MAP3K19: variants seen among roughly 807,000 people sequenced by gnomAD.
MAP3K19 encodes the protein mitogen-activated protein kinase kinase kinase 19, also known as SPS1/STE20-related protein kinase YSK4.
MAP3K19 carries 91 observed loss-of-function variants against 114.4 expected under a neutral mutation model. The observed-to-expected ratio is 0.80, with a 90% CI of 0.67 to 0.95. The LOEUF (loss-of-function observed/expected upper bound fraction) is 0.95. MAP3K19 is among the 40% of genes least tolerant of loss of function. The pLI is 0.00. For missense variants in MAP3K19, 1,471 were observed against 1,573.2 expected, an observed-to-expected ratio of 0.94 and a Z score of 1.10; for synonymous variants, 518 against 530.5, an observed-to-expected ratio of 0.98 and a Z score of 0.32.
intron 1 of MAP3K19, among the ~76,000 whole-genome samples, chr2:135,046,296 G>A (rs917405957): frequency 6.6e-6 from 1 of 151,764 alleles, no homozygotes; most frequent in East Asian, 1.9e-4. Context: ...TGTTGTTGTT[G>A]TTACAGAGTC....
At position 134,981,250 on chromosome 2, in the gene MAP3K19, C is replaced by T; in HGVS notation, c.3491G>A (p.Cys1164Tyr). 6.2e-7 allele frequency: 1 copy of T among 1,614,210 alleles called. No individual in the cohort carries two copies. Among genetic ancestry groups the T allele is most frequent in the East Asian group, 2.2e-5 (1 of 44,896 alleles). Residue 1164 changes from cysteine (C) to tyrosine (Y), a missense_variant, in exon 12 of 13, where the codon TGT (cysteine) becomes TAT (tyrosine). By Grantham distance (194) the Cys-to-Tyr change is radical. Transcript: ENST00000392915. Reference protein sequence around the residue: ...RFGPLPEMVFCKYTKQILQGV... With the variant: ...RFGPLPEMVFYKYTKQILQGV... ...TTGAAGTATTTGTTTCGTATATTTA[C>T]AGAACACCATCTCAGGCAATGGCCC... is the stretch of plus-strand genomic sequence containing the variant.
intron 5 of MAP3K19, among the ~76,000 whole-genome samples, chr2:135,021,018 G>T (rs1196240238): frequency 6.6e-6 from 1 of 152,132 alleles, no homozygotes; most frequent in Admixed American, 6.5e-5. Context: ...TACATAAAAA[G>T]GAAGGTACAT....
Position 134,981,573 on chromosome 2 carries a change from A to C in MAP3K19, c.3223-55T>G, listed in dbSNP as rs1023417707. ...TAAATTAATGACATAACTTATTCAC[A>C]AAATGCCTCAGGTGACACTTGACTT... On this transcript the variant is annotated intron_variant, in intron 11 of 12. Coordinates refer to ENST00000392915, the MANE Select transcript of MAP3K19 (RefSeq NM_025052.5). 3 of 1,361,400 alleles carry C rather than the reference A, an allele frequency of 2.2e-6. No homozygotes were observed. In the African/African-American group the frequency reaches 4.3e-5, roughly 20 times the overall value. The allele number at this position is 1,361,400 out of a possible 1,614,324, so 84.3% of individuals were successfully genotyped here.
chr2:135,003,072 C>A (rs745997346), intron 6 of MAP3K19, among the ~76,000 whole-genome samples: 4 of 152,174 alleles, frequency 2.6e-5, no homozygotes, highest in Non-Finnish European at 5.9e-5. Flanking sequence ...AGAGCTCACT[C>A]ACTTGTGCTC....
chr2:135,036,077 G>A (rs879925664), intron 2 of MAP3K19, among the ~76,000 whole-genome samples: 29 of 151,840 alleles, frequency 1.9e-4, no homozygotes, highest in Non-Finnish European at 3.1e-4. Context: ...CAAGTGATCC[G>A]CCCGCCTCAG....
chr2:135,035,223 C>T (rs1688500990), intron 2 of MAP3K19, among the ~76,000 whole-genome samples: 1 of 152,136 alleles, frequency 6.6e-6, no homozygotes, highest in African/African-American at 2.4e-5. Flanking sequence ...TTGGTGAAAC[C>T]CTGTCTCTAC....
chr2:134,998,883 C>T lies in MAP3K19; in HGVS notation c.429G>A (p.Leu143=). 1.9e-6 allele frequency: 3 copies of T among 1,614,132 alleles called. No individual in the cohort carries two copies. Among genetic ancestry groups the T allele is most frequent in the Non-Finnish European group, 2.5e-6 (3 of 1,180,022 alleles). ...GCTCCCTGGAACTTTCCTCTTTTTGCAAAACTAAGGGCCGCATGGTCAGCT... is the reference window on the plus strand; with the variant it reads ...GCTCCCTGGAACTTTCCTCTTTTTGTAAAACTAAGGGCCGCATGGTCAGCT... ...KKKLTMRPLV[L]QKEESSRELC... is the part of the protein sequence containing the mutation. The change falls in exon 8 of 13, where the codon TTG becomes TTA. Residue 143 remains leucine, a synonymous_variant. Transcript: ENST00000392915.
rs142688206 is a variant in MAP3K19 at position 134,980,715 on chromosome 2, T to C, written c.3920+106A>G. 3,040 of 1,034,806 alleles carry C rather than the reference T, an allele frequency of 2.9e-3. 10 individuals are homozygous for C. The highest frequency in any genetic ancestry group is 6.5e-3 in the Middle Eastern group (31 of 4,762). The allele number at this position is 1,034,806 out of a possible 1,614,324, so 64.1% of individuals were successfully genotyped here. A position where few individuals can be genotyped will look rare whatever the true frequency, so the allele number is the denominator to read the frequency against. On this transcript the variant is annotated intron_variant, in intron 12 of 12. Transcript: ENST00000392915. ...GCACAAAATCACTGTCTACTTGACT[T>C]CATAACCAAAACAGAGCTTTTAATG...
chr2:135,032,523 T>C (rs184822134), intron 2 of MAP3K19, among the ~76,000 whole-genome samples: 13 of 151,654 alleles, frequency 8.6e-5, no homozygotes, highest in Admixed American at 2.6e-4. Flanking sequence ...TTATTCATAG[T>C]AACCAAAAGA....
chr2:134,968,308 C>A (rs1683544697), intron 12 of MAP3K19, among the ~76,000 whole-genome samples: 1 of 151,960 alleles, frequency 6.6e-6, no homozygotes, highest in African/African-American at 2.4e-5. Context: ...TTTTCCCCAC[C>A]TTTCCCCCGT....
At chr2:134,979,088 C>T (rs73959229) in intron 12 of MAP3K19, among the ~76,000 whole-genome samples, 5,251 of 152,188 alleles carry the variant, frequency 0.035, 298 homozygotes, top group African/African-American at 0.12. Context: ...AAGAGTGCCT[C>T]GCCCTTTATT....
intron 5 of MAP3K19, among the ~76,000 whole-genome samples, chr2:135,013,736 T>C (rs2105343396): frequency 6.6e-6 from 1 of 152,280 alleles, no homozygotes; most frequent in Middle Eastern, 3.4e-3. Flanking sequence ...CTGTTCTGTT[T>C]CCCTCCTCTG....
rs936644217 is a variant in MAP3K19 at position 135,012,471 on chromosome 2, A to G, written c.139-6940T>C. Among the ~76,000 whole-genome samples, 26 of 152,340 alleles carry G rather than the reference A, an allele frequency of 1.7e-4. No individual in the cohort carries two copies. The East Asian group carries it at 1.9e-3, about 11-fold the overall frequency. On this transcript the variant is annotated intron_variant, in intron 5 of 12. Transcript: ENST00000392915. ...ATAGGATTTAAAAAGGAATGTTTCC[A>G]TGGTAGCTCATCCCATCCCATGTCC...
intron 6 of MAP3K19, among the ~76,000 whole-genome samples, chr2:135,004,283 G>A (rs1331838685): frequency 6.6e-6 from 1 of 152,236 alleles, no homozygotes; most frequent in African/African-American, 2.4e-5. Flanking sequence ...GGACCGTTCT[G>A]AAGGGTTTCG....
chr2:135,039,534 A>G (rs920204868), intron 2 of MAP3K19, among the ~76,000 whole-genome samples: 1 of 152,174 alleles, frequency 6.6e-6, no homozygotes, highest in Non-Finnish European at 1.5e-5. Context: ...CAGTCAGCCC[A>G]GATGGTGCCA....
intron 8 of MAP3K19, among the ~76,000 whole-genome samples, chr2:134,997,908 TC>T (rs1308825949): frequency 1.3e-5 from 2 of 152,126 alleles, no homozygotes; most frequent in Admixed American, 6.5e-5. Context: ...TTCTTTTTTT[TC>T]TTTTTTGGTA....
intron 12 of MAP3K19, among the ~76,000 whole-genome samples, chr2:134,969,182 C>T (rs577715971): frequency 1.5e-5 from 2 of 134,256 alleles, no homozygotes; most frequent in East Asian, 5.8e-4. Flanking sequence ...ACCCCGTCTC[C>T]ACCAAAAAAA....
At chr2:134,991,881 C>A (rs909218672) in intron 8 of MAP3K19, among the ~76,000 whole-genome samples, 7 of 152,178 alleles carry the variant, frequency 4.6e-5, no homozygotes, top group Admixed American at 2.0e-4. Context: ...CAGTTCCCCA[C>A]AACCCAGTTC....
At chr2:134,991,342 G>A (rs1464520737) in intron 9 of MAP3K19, 195 bp downstream of exon 9, 22 of 594,648 alleles carry the variant, frequency 3.7e-5, no homozygotes, top group Non-Finnish European at 6.0e-5. Flanking sequence ...CAAAACAACC[G>A]GTAGGCTATT....
Sources: gnomAD v4.1 joint callset for allele counts (sites outside exome capture counted in the v4.1 genomes callset) on GRCh38, gnomAD v4.1.1 for gene constraint, MANE v1.5 for transcripts, NCBI Gene and HGNC (gene_info 2026-07-23, HGNC 2026-07-21) for gene names.